The following TANGO6 variants were observed in gnomAD, a reference collection of about 807,000 sequenced individuals.
The protein encoded by TANGO6 is transport and Golgi organization protein 6 homolog.
A neutral mutation model predicts 114.2 loss-of-function variants in TANGO6; 90 were observed. The ratio of observed to expected loss-of-function variants is 0.79; its 90% confidence interval spans 0.66 to 0.94. TANGO6 has a LOEUF of 0.94. Ranked by LOEUF, TANGO6 falls within the 40% of genes least tolerant of loss-of-function variation. The pLI, the probability that TANGO6 is intolerant of heterozygous loss-of-function variation, is 0.00. For synonymous variants in TANGO6, 477 were observed against 509.8 expected (o/e 0.94, Z 0.87); for missense variants, 1,274 against 1,315.3 (o/e 0.97, Z 0.49).
At chr16:69,007,572 G>A (rs1187989848) in intron 15 of TANGO6, among the ~76,000 whole-genome samples, 1 of 151,942 alleles carries the variant, frequency 6.6e-6, no homozygotes, top group Non-Finnish European at 1.5e-5. Flanking sequence ...GCCTGGATAT[G>A]CCACATTTTT....
At chr16:69,002,085 G>A (rs1488594722) in intron 15 of TANGO6, among the ~76,000 whole-genome samples, 1 of 152,074 alleles carries the variant, frequency 6.6e-6, no homozygotes, top group Non-Finnish European at 1.5e-5. Context: ...TACAATTCTT[G>A]GAGTTCCATG....
At chr16:68,849,912 A>ATTC (rs1277286976) in intron 1 of TANGO6, among the ~76,000 whole-genome samples, 1 of 151,184 alleles carries the variant, frequency 6.6e-6, no homozygotes, top group East Asian at 1.9e-4. Flanking sequence ...CATGACCTTC[A>ATTC]TTCTATAGTT....
rs553473694 is a variant in TANGO6 at position 68,939,103 on chromosome 16, T to C, written c.2701+8808T>C. ...AAAAAAAAAAAAAAGCAAACAACAA[T>C]AACAACAACAAAAAAAACCTTAAAA... On this transcript the variant is annotated intron_variant, in intron 14 of 17. Coordinates refer to ENST00000261778, the MANE Select transcript of TANGO6 (RefSeq NM_024562.2). Among the ~76,000 whole-genome samples the C allele has an allele frequency of 7.9e-3, 865 of 109,802 alleles. 3 individuals carry two copies. The highest frequency in any genetic ancestry group is 0.01 in the Non-Finnish European group (524 of 51,262). 72.0% of individuals were successfully genotyped at this position (109,802 alleles called of 152,430 possible). A position where few individuals can be genotyped will look rare whatever the true frequency, so the allele number is the denominator to read the frequency against.
intron 11 of TANGO6, chr16:68,909,685 G>A (rs1962898026): frequency 4.6e-6 from 1 of 218,208 alleles, no homozygotes; most frequent in South Asian, 1.8e-4. Context: ...TTCAACTTTG[G>A]GTGCAAAACA....
chr16:69,029,013 A>C (rs905206489), intron 16 of TANGO6, among the ~76,000 whole-genome samples: 1 of 152,216 alleles, frequency 6.6e-6, no homozygotes, highest in African/African-American at 2.4e-5. Flanking sequence ...ATGACCTCTG[A>C]ACTCAAACAT....
At chr16:69,063,808 C>CTTCTTCTTCTTCTTCTTCTTCTTA (rs56983779) in intron 17 of TANGO6, among the ~76,000 whole-genome samples, 108 of 125,568 alleles carry the variant, frequency 8.6e-4, no homozygotes, top group African/African-American at 3.3e-3. Context: ...TCTTCTTCTT[C>CTTCTTCTTCTTCTTCTTCTTCTTA]TTATTATTAT....
At chr16:68,848,390 C>T (rs1423652550) in intron 1 of TANGO6, among the ~76,000 whole-genome samples, 1 of 152,048 alleles carries the variant, frequency 6.6e-6, no homozygotes, top group African/African-American at 2.4e-5. Context: ...CTTAATTTCA[C>T]TACCCAGAGG....
At chr16:68,991,919 G>C (rs1227940132) in intron 15 of TANGO6, among the ~76,000 whole-genome samples, 1 of 152,144 alleles carries the variant, frequency 6.6e-6, no homozygotes, top group Non-Finnish European at 1.5e-5. Flanking sequence ...GAGGATTTTG[G>C]TTAGAGGAAT....
chr16:69,080,763 G>A (rs916600393), intron 17 of TANGO6, among the ~76,000 whole-genome samples: 1 of 152,162 alleles, frequency 6.6e-6, no homozygotes, highest in Non-Finnish European at 1.5e-5. Context: ...CTGGATGTTG[G>A]AAACCTGGCT....
At chr16:68,922,330 G>A (rs1273242522) in intron 12 of TANGO6, among the ~76,000 whole-genome samples, 1 of 152,040 alleles carries the variant, frequency 6.6e-6, no homozygotes, top group Non-Finnish European at 1.5e-5. Context: ...GAGGTCAGGA[G>A]TTCAAGACCA....
intron 17 of TANGO6, among the ~76,000 whole-genome samples, chr16:69,070,630 C>G (rs1960284396): frequency 7.4e-6 from 1 of 135,306 alleles, no homozygotes; most frequent in Non-Finnish European, 1.6e-5. Flanking sequence ...GAGACTCCAT[C>G]TCAAAAAAAA....
intron 14 of TANGO6, among the ~76,000 whole-genome samples, chr16:68,971,181 C>A (rs936937353): frequency 2.6e-5 from 4 of 151,476 alleles, no homozygotes; most frequent in African/African-American, 9.7e-5. Flanking sequence ...GTTATGATAG[C>A]TGCAAATCTG....
At chr16:69,074,851 T>A (rs958608852) in intron 17 of TANGO6, among the ~76,000 whole-genome samples, 4 of 150,452 alleles carry the variant, frequency 2.7e-5, no homozygotes, top group African/African-American at 9.7e-5. Context: ...TAATTATTAT[T>A]ATTATTTTTT....
At chr16:68,868,536 C>G (rs1241461143) in intron 4 of TANGO6, among the ~76,000 whole-genome samples, 21 of 124,148 alleles carry the variant, frequency 1.7e-4, no homozygotes, top group African/African-American at 5.9e-4. Context: ...CTCGCTCTTT[C>G]ACCCAGGCTA....
chr16:68,944,110 G>A (rs1434824805), intron 14 of TANGO6, among the ~76,000 whole-genome samples: 1 of 152,102 alleles, frequency 6.6e-6, no homozygotes, highest in African/African-American at 2.4e-5. Context: ...TTATTGCCAT[G>A]GTCTTTTAGT....
chr16:68,875,138 C>A lies in TANGO6; in HGVS notation c.995-16C>A. 1 of 1,609,138 alleles carries A rather than the reference C, an allele frequency of 6.2e-7. No homozygotes were observed. The highest frequency in any genetic ancestry group is 1.1e-5 in the South Asian group (1 of 90,662). ...GAATTGCTGTGAGCTGCTAACATCT[C>A]TCTCCATTGTGCCAGCGGGAGCAGC... On this transcript the variant is annotated splice_polypyrimidine_tract_variant and intron_variant, in intron 4 of 17. Transcript: ENST00000261778.
chr16:68,951,834 G>A lies in TANGO6; in HGVS notation c.2701+21539G>A, dbSNP rs542342958. On this transcript the variant is annotated intron_variant, in intron 14 of 17. Transcript: ENST00000261778. ...TCACCGTGTTAGCTAGGATGGTCTC[G>A]ATCTCCTGACCTTGTGATCCACCCG... Among the ~76,000 whole-genome samples the A allele has an allele frequency of 3.3e-5, 5 of 152,088 alleles. No individual in the cohort carries two copies. The East Asian group carries it at 7.7e-4, about 24-fold the overall frequency.
chr16:69,023,578 G>A (rs1959449709), intron 16 of TANGO6, among the ~76,000 whole-genome samples: 1 of 152,130 alleles, frequency 6.6e-6, no homozygotes, highest in South Asian at 2.1e-4. Context: ...GTAACTAACA[G>A]AATTGGAGAA....
intron 1 of TANGO6, among the ~76,000 whole-genome samples, chr16:68,851,811 A>G (rs1961907115): frequency 6.6e-6 from 1 of 152,212 alleles, no homozygotes; most frequent in Non-Finnish European, 1.5e-5. Context: ...GTTTCCTCAC[A>G]GACTTGCTAC....
Sources: gnomAD v4.1 joint callset for allele counts (sites outside exome capture counted in the v4.1 genomes callset) on GRCh38, gnomAD v4.1.1 for gene constraint, MANE v1.5 for transcripts, NCBI Gene and HGNC (gene_info 2026-07-23, HGNC 2026-07-21) for gene names.